The following SCN1A variants were observed in gnomAD, a reference collection of about 807,000 sequenced individuals.
SCN1A encodes the protein sodium voltage-gated channel alpha subunit 1.
In SCN1A, 13 loss-of-function variants were observed where a neutral mutation model predicts 193.7. The observed-to-expected ratio is 0.07, with a 90% CI of 0.04 to 0.11. The LOEUF is 0.11. SCN1A is among the 10% of genes least tolerant of loss of function. The pLI, the probability that SCN1A is intolerant of heterozygous loss-of-function variation, is 1.00. For missense variants in SCN1A, 1,432 were observed against 2,451.1 expected (o/e 0.58, Z 8.78); for synonymous variants, 781 against 843.6 (o/e 0.93, Z 1.29).
chr2:166,041,316 C>G lies in SCN1A; in HGVS notation c.2330G>C (p.Cys777Ser). ...CATGAAAAGAGTATTTAAGACAATA[C>G]AGATGGTGATGGCCAGGTCAACAAA... is the stretch of plus-strand genomic sequence containing the variant. ...DPFVDLAITICIVLNTLFMAM... is the reference protein window; with the variant it reads ...DPFVDLAITISIVLNTLFMAM... Residue 777 changes from cysteine (C) to serine (S), a missense_variant, in exon 16 of 29, where the codon TGT (cysteine) becomes TCT (serine). Transcript: ENST00000674923. The G allele has an allele frequency of 6.2e-7, 1 of 1,613,942 alleles. No homozygotes were observed. Among genetic ancestry groups the G allele is most frequent in the Non-Finnish European group, 8.5e-7 (1 of 1,179,934 alleles).
chr2:166,145,977 G>A (rs1032641021), intron 1 of SCN1A, among the ~76,000 whole-genome samples: 2 of 152,136 alleles, frequency 1.3e-5, no homozygotes, highest in Non-Finnish European at 2.9e-5. Flanking sequence ...GCAGAGATGG[G>A]ATGGGGAAGG....
chr2:165,993,343 T>C (rs1689552884), intron 28 of SCN1A: 1 of 152,192 alleles, frequency 6.6e-6, no homozygotes, highest in African/African-American at 2.4e-5. Flanking sequence ...GGCCAGTTTC[T>C]TCAGAGAGGG....
rs149749656 is a variant in SCN1A at position 166,070,683 on chromosome 2, C to T, written c.264+2675G>A. Among the ~76,000 whole-genome samples the T allele has an allele frequency of 1.9e-3, 294 of 152,116 alleles. 1 individual carries two copies. The highest frequency in any genetic ancestry group is 6.5e-3 in the African/African-American group (271 of 41,480). On this transcript the variant is annotated intron_variant, in intron 4 of 28. Coordinates refer to ENST00000674923, the MANE Select transcript of SCN1A (RefSeq NM_001165963.4). ...TTTATATCCTTTGCTATATATAATT[C>T]ATTATAAACCAATTATGGACCATTT...
chr2:166,082,481 TACTTG>T (rs61108562), intron 2 of SCN1A, among the ~76,000 whole-genome samples: 34,177 of 151,672 alleles, frequency 0.23, 3,870 homozygotes, highest in Middle Eastern at 0.4. Context: ...GAATTTATAT[TACTTG>T]GACAGACCCA....
intron 23 of SCN1A, among the ~76,000 whole-genome samples, chr2:166,008,775 A>C (rs1484443988): frequency 6.6e-6 from 1 of 151,052 alleles, no homozygotes; most frequent in African/African-American, 2.4e-5. Flanking sequence ...AAGTAACTAC[A>C]CCTTAGGAGG....
At chr2:166,070,630 G>A (rs1413580638) in intron 4 of SCN1A, among the ~76,000 whole-genome samples, 4 of 152,206 alleles carry the variant, frequency 2.6e-5, no homozygotes, top group East Asian at 3.9e-4. Context: ...TTTTGAAAAT[G>A]TTTGCACAAT....
At chr2:166,010,299 T>C (rs559851484) in intron 22 of SCN1A, among the ~76,000 whole-genome samples, 1 of 151,330 alleles carries the variant, frequency 6.6e-6, no homozygotes, top group East Asian at 1.9e-4. Flanking sequence ...CTAATCATAA[T>C]TGGTATTCTC....
chr2:166,076,181 T>A (rs551290718), intron 3 of SCN1A, among the ~76,000 whole-genome samples: 1 of 152,126 alleles, frequency 6.6e-6, no homozygotes, highest in South Asian at 2.1e-4. Flanking sequence ...CTTCTTTGGC[T>A]TCTGGATACT....
intron 2 of SCN1A, among the ~76,000 whole-genome samples, chr2:166,106,602 C>T (rs992281605): frequency 4.6e-5 from 7 of 152,038 alleles, no homozygotes; most frequent in South Asian, 2.1e-4. Flanking sequence ...TGGCAGTGTG[C>T]GGTGTCAGTG....
At chr2:166,108,830 T>G (rs1688981295) in intron 2 of SCN1A, among the ~76,000 whole-genome samples, 2 of 152,128 alleles carry the variant, frequency 1.3e-5, no homozygotes, top group Admixed American at 1.3e-4. Flanking sequence ...CAAGTGGGCA[T>G]CAAGTTTCTT....
At chr2:166,085,542 G>A (rs1686017414) in intron 2 of SCN1A, among the ~76,000 whole-genome samples, 1 of 152,134 alleles carries the variant, frequency 6.6e-6, no homozygotes, top group Non-Finnish European at 1.5e-5. Flanking sequence ...AGGCATAGTT[G>A]CTGTATGGAG....
intron 7 of SCN1A, among the ~76,000 whole-genome samples, chr2:166,053,594 T>C (rs1391961871): frequency 1.3e-5 from 2 of 152,022 alleles, no homozygotes; most frequent in African/African-American, 2.4e-5. Context: ...GCCATTTTGT[T>C]CTTAAGAAAT....
At chr2:166,053,187 G>C (rs974851826) in intron 7 of SCN1A, 3 of 726,138 alleles carry the variant, frequency 4.1e-6, no homozygotes, top group Admixed American at 2.4e-5. Flanking sequence ...TTACTTGCAT[G>C]GGTCTTTTAT....
intron 1 of SCN1A, among the ~76,000 whole-genome samples, chr2:166,141,429 C>G (rs1488414238): frequency 6.6e-6 from 1 of 151,952 alleles, no homozygotes; most frequent in African/African-American, 2.4e-5. Flanking sequence ...TGGTGTTTCA[C>G]ACTTGTAATC....
At chr2:166,113,401 A>C in intron 2 of SCN1A, among the ~76,000 whole-genome samples, 1 of 152,086 alleles carries the variant, frequency 6.6e-6, no homozygotes, top group South Asian at 2.1e-4. Flanking sequence ...TAAATGAAAA[A>C]AGAATGAGAA....
intron 19 of SCN1A, among the ~76,000 whole-genome samples, chr2:166,033,408 C>T (rs183123976): frequency 2.6e-5 from 4 of 152,030 alleles, no homozygotes; most frequent in South Asian, 2.1e-4. Context: ...TGTGCTCTAA[C>T]GTTATTCTGT....
At chr2:166,125,410 A>G (rs1691125914) in intron 2 of SCN1A, among the ~76,000 whole-genome samples, 1 of 152,124 alleles carries the variant, frequency 6.6e-6, no homozygotes, top group Non-Finnish European at 1.5e-5. Context: ...CCCAGGCTAA[A>G]TTTTGGAGGG....
At chr2:166,063,083 G>T (rs534310462) in intron 4 of SCN1A, among the ~76,000 whole-genome samples, 6 of 152,106 alleles carry the variant, frequency 3.9e-5, no homozygotes, top group African/African-American at 1.4e-4. Context: ...TACAATTCAG[G>T]CACATCTATG....
intron 19 of SCN1A, among the ~76,000 whole-genome samples, chr2:166,023,085 A>C (rs1173382734): frequency 6.6e-6 from 1 of 152,240 alleles, no homozygotes; most frequent in Non-Finnish European, 1.5e-5. Flanking sequence ...GCCTCTATGA[A>C]TATTTTATAG....
Sources: gnomAD v4.1 joint callset for allele counts (sites outside exome capture counted in the v4.1 genomes callset) on GRCh38, gnomAD v4.1.1 for gene constraint, MANE v1.5 for transcripts, NCBI Gene and HGNC (gene_info 2026-07-23, HGNC 2026-07-21) for gene names.